Variants in CCNA2 observed in about 807,000 individuals in gnomAD.
The protein encoded by CCNA2 is cyclin-A2.
Under a neutral mutation model 49.4 loss-of-function variants are expected in CCNA2, and 3 were observed. That is an observed-to-expected ratio of 0.06 (90% CI 0.03 to 0.16). CCNA2 has a LOEUF of 0.16. CCNA2 is among the 10% of genes least tolerant of loss of function. The pLI, the probability that CCNA2 is intolerant of heterozygous loss-of-function variation, is 1.00. For missense variants in CCNA2, 372 were observed against 519.7 expected, an observed-to-expected ratio of 0.72 and a Z score of 2.76; for synonymous variants, 206 against 197.2, an observed-to-expected ratio of 1.04 and a Z score of -0.37.
chr4:121,816,547 A>C lies in CCNA2; in HGVS notation c.*1091T>G. 1.1e-6 allele frequency: 1 copy of C among 870,114 alleles called. No homozygotes were observed. Among genetic ancestry groups the C allele is most frequent in the Non-Finnish European group, 1.7e-6 (1 of 573,046 alleles). The allele number at this position is 870,114 out of a possible 1,614,324, so 53.9% of individuals were successfully genotyped here. On this transcript the variant is annotated 3_prime_UTR_variant, in exon 8 of 8. Transcript: ENST00000274026. ...CTCATCTTGCCACATGACTATAAAC[A>C]AAAAGACATCCCTTTTTCATTAGAG...
In CCNA2 at chr4:121,817,938, A is replaced by G. The variant is rs3217774; in HGVS notation, c.1250+106T>C. The G allele has an allele frequency of 2.7e-4, 318 of 1,184,892 alleles. No homozygotes were observed. The African/African-American group carries it at 4.4e-3, about 16-fold the overall frequency. 73.4% of individuals were successfully genotyped at this position (1,184,892 alleles called of 1,614,324 possible). A position where few individuals can be genotyped will look rare whatever the true frequency, so the allele number is the denominator to read the frequency against. ...CAAACACATAACCAATTTAGAGAAC[A>G]GCTTCTCAAGGAGGCTATGGCAGAT... On this transcript the variant is annotated intron_variant, in intron 7 of 7. Transcript: ENST00000274026.
intron 4 of CCNA2, 61 bp from the exon 5 acceptor site, chr4:121,819,640 G>A (rs1175679156): frequency 8.9e-7 from 1 of 1,129,166 alleles, no homozygotes; most frequent in Non-Finnish European, 1.3e-6. Flanking sequence ...CCTTATCCCA[G>A]TTCTGAAATC....
rs1387814332 is a variant in CCNA2, at chr4:121,816,833, A to AAAAAG, written c.*800_*804dup. The stretch of plus-strand genomic sequence containing the variant: ...AAGTAAAAAGCCAGTGAAAAGAAGA[A>AAAAAG]AAAAGAAGAGAGCTGCCAATTAAAG... On this transcript the variant is annotated 3_prime_UTR_variant, in exon 8 of 8. Coordinates refer to ENST00000274026, the MANE Select transcript of CCNA2 (RefSeq NM_001237.5). 3 of 1,597,350 alleles carry AAAAAG rather than the reference A, an allele frequency of 1.9e-6. No homozygotes were observed. Among genetic ancestry groups the AAAAAG allele is most frequent in the Admixed American group, 1.7e-5 (1 of 58,358 alleles).
rs545851481 is a variant in CCNA2, at chr4:121,818,675, T to C, written c.1116+125A>G. On this transcript the variant is annotated intron_variant, in intron 6 of 7. Transcript: ENST00000274026. Reference sequence around the variant, plus strand: ...ACCTGTGTTTTTCAAAGGTCAACTATATATATTTGAAGTTTTTCCAAGTAA... The same window carrying C: ...ACCTGTGTTTTTCAAAGGTCAACTACATATATTTGAAGTTTTTCCAAGTAA... The C allele has an allele frequency of 1.5e-5, 10 of 651,690 alleles. No individual in the cohort carries two copies. The East Asian group carries it at 1.6e-4, about 11-fold the overall frequency. The allele number at this position is 651,690 out of a possible 1,614,324, so 40.4% of individuals were successfully genotyped here. A position where few individuals can be genotyped will look rare whatever the true frequency, so the allele number is the denominator to read the frequency against.
Position 121,823,417 on chromosome 4 carries a change from C to T in CCNA2, c.212G>A (p.Arg71Gln). The change falls in exon 1 of 8, where the codon CGG becomes CAG. Residue 71 changes from arginine (R) to glutamine (Q), a missense_variant and splice_region_variant. Coordinates refer to ENST00000274026, the MANE Select transcript of CCNA2 (RefSeq NM_001237.5). Reference protein sequence around the residue: ...LAQQQRPKTRRVAPLKDLPVN... With the variant: ...LAQQQRPKTRQVAPLKDLPVN... ...TGCAGATATCCCGCATCCCTTTACC[C>T]GTCTCGTCTTCGGCCTCTGCTGCTG... 1.2e-6 allele frequency: 2 copies of T among 1,610,418 alleles called. No homozygotes were observed. The highest frequency in any genetic ancestry group is 2.2e-5 in the East Asian group (1 of 44,800).
rs1724560003 is a variant in CCNA2, at chr4:121,817,217, C to G, written c.*421G>C. The stretch of plus-strand genomic sequence containing the variant: ...TTATGCCCAAGTCAGCAAATTGATC[C>G]AGTTGCTTAGGAAAATGAATGTCAG... On this transcript the variant is annotated 3_prime_UTR_variant, in exon 8 of 8. Coordinates refer to ENST00000274026, the MANE Select transcript of CCNA2 (RefSeq NM_001237.5). 2 of 225,894 alleles carry G rather than the reference C, an allele frequency of 8.9e-6. No individual in the cohort carries two copies. The highest frequency in any genetic ancestry group is 1.8e-4 in the South Asian group (2 of 11,104). 14.0% of individuals were successfully genotyped at this position (225,894 alleles called of 1,614,324 possible). A position where few individuals can be genotyped will look rare whatever the true frequency, so the allele number is the denominator to read the frequency against.
chr4:121,823,801 C>T lies in CCNA2; in HGVS notation c.-173G>A. ...TCACCCAGCTCGAGACCACGCAGGG[C>T]CGAGGAGGTTGCGAAAGGCGCAGGC... On this transcript the variant is annotated 5_prime_UTR_variant, in exon 1 of 8. Transcript: ENST00000274026. 3 of 1,276,966 alleles carry T rather than the reference C, an allele frequency of 2.3e-6. No homozygotes were observed. Among genetic ancestry groups the T allele is most frequent in the Non-Finnish European group, 3.1e-6 (3 of 964,474 alleles). The allele number at this position is 1,276,966 out of a possible 1,614,324, so 79.1% of individuals were successfully genotyped here.
At position 121,817,150 on chromosome 4, in the gene CCNA2, T is replaced by TATC. The variant is rs1410359418; in HGVS notation, c.*485_*487dup. ...GAAAAAGTCTGGGGAATCTCTACTG[T>TATC]ATCTATCTCTGAATACTGTATTCAG... is the stretch of plus-strand genomic sequence containing the variant. On this transcript the variant is annotated 3_prime_UTR_variant, in exon 8 of 8. Transcript: ENST00000274026. 2 of 307,602 alleles carry TATC rather than the reference T, an allele frequency of 6.5e-6. No homozygotes were observed. Among genetic ancestry groups the TATC allele is most frequent in the South Asian group, 4.9e-5 (1 of 20,294 alleles). 19.1% of individuals were successfully genotyped at this position (307,602 alleles called of 1,614,324 possible). A position where few individuals can be genotyped will look rare whatever the true frequency, so the allele number is the denominator to read the frequency against.
chr4:121,819,630 C>G (rs1416808484), intron 4 of CCNA2, 51 bp from the exon 5 acceptor site: 1 of 1,256,312 alleles, frequency 8.0e-7, no homozygotes, highest in Non-Finnish European at 1.2e-6. Flanking sequence ...AAGCAAGCTT[C>G]CTTATCCCAG....
At position 121,816,472 on chromosome 4, in the gene CCNA2, A is replaced by G; in HGVS notation, c.*1166T>C. The G allele has an allele frequency of 2.1e-6, 3 of 1,401,882 alleles. No homozygotes were observed. The highest frequency in any genetic ancestry group is 3.0e-6 in the Non-Finnish European group (3 of 1,012,818). 86.8% of individuals were successfully genotyped at this position (1,401,882 alleles called of 1,614,324 possible). ...GGTAACAAATTTCTGGTTTATTTCAAATGTATACATATACTCAACACTTAT... is the reference window on the plus strand; with the variant it reads ...GGTAACAAATTTCTGGTTTATTTCAGATGTATACATATACTCAACACTTAT... On this transcript the variant is annotated 3_prime_UTR_variant, in exon 8 of 8. Transcript: ENST00000274026.
In CCNA2 at chr4:121,817,699, A is replaced by G. The variant is rs181520027; in HGVS notation, c.1251-13T>C. 5.1e-4 allele frequency: 807 copies of G among 1,596,922 alleles called. No individual in the cohort carries two copies. Among genetic ancestry groups the G allele is most frequent in the African/African-American group, 7.2e-4 (51 of 70,764 alleles). On this transcript the variant is annotated splice_polypyrimidine_tract_variant and intron_variant, in intron 7 of 7. Transcript: ENST00000274026. The stretch of plus-strand genomic sequence containing the variant: ...AACACCATGATACCTGTAAGTAGGG[A>G]AAAAAAAAGCATTTTTAGTAAACAC...
intron 7 of CCNA2, 83 bp from the exon 8 acceptor site, chr4:121,817,769 T>C (rs1724581434): frequency 7.0e-6 from 11 of 1,568,452 alleles, no homozygotes; most frequent in Admixed American, 1.8e-5. Flanking sequence ...TACTCATGTA[T>C]TGGGAACTAA....
chr4:121,821,221 A>G, intron 2 of CCNA2, 130 bp from the exon 3 acceptor site: 2 of 1,104,732 alleles, frequency 1.8e-6, no homozygotes, highest in Non-Finnish European at 1.2e-6. Context: ...AGAGCTTCTC[A>G]TGACAAAATA....
intron 2 of CCNA2, among the ~76,000 whole-genome samples, chr4:121,821,639 CAA>C (rs796947605): frequency 4.6e-5 from 7 of 152,262 alleles, no homozygotes; most frequent in Non-Finnish European, 8.8e-5. Flanking sequence ...TATTTTGAAG[CAA>C]AGAGTATCAT....
In CCNA2 at chr4:121,819,467, T is replaced by C. The variant is rs1349888732; in HGVS notation, c.907A>G (p.Thr303Ala). ...ACTGTTGGAGCAGCTAAGTCAAAAG[T>C]AAGGACTTTCAAAACTAGATGCTCC... ...RMEHLVLKVL[T>A]FDLAAPTVNQ... is the part of the protein sequence containing the mutation. The change falls in exon 5 of 8, where the codon ACT (threonine) becomes GCT (alanine). Residue 303 changes from threonine to alanine, a missense_variant. This residue lies in a region of CCNA2 where 155 missense variants were observed against 288.1 expected (regional missense o/e 0.54). Transcript: ENST00000274026. 2 of 1,613,786 alleles carry C rather than the reference T, an allele frequency of 1.2e-6. No homozygotes were observed. The highest frequency in any genetic ancestry group is 1.3e-5 in the African/African-American group (1 of 74,942).
rs1189556188 is a variant in CCNA2 at position 121,817,325 on chromosome 4, C to CTT, written c.*311_*312dup. On this transcript the variant is annotated 3_prime_UTR_variant, in exon 8 of 8. Transcript: ENST00000274026. ...CCCATTATATAGTAAACCAAGTAAA[C>CTT]TTCTTTACTAAGCAAAATCCTGAAG... is the stretch of plus-strand genomic sequence containing the variant. 1.1e-5 allele frequency: 3 copies of CTT among 270,940 alleles called. No homozygotes were observed. In the Admixed American group the frequency reaches 1.5e-4, roughly 13 times the overall value. 16.8% of individuals were successfully genotyped at this position (270,940 alleles called of 1,614,324 possible). A position where few individuals can be genotyped will look rare whatever the true frequency, so the allele number is the denominator to read the frequency against.
In CCNA2 at chr4:121,819,594, G is replaced by C. The variant is rs1724637535; in HGVS notation, c.795-15C>G. The C allele has an allele frequency of 6.3e-7, 1 of 1,576,372 alleles. No individual in the cohort carries two copies. The highest frequency in any genetic ancestry group is 8.7e-7 in the Non-Finnish European group (1 of 1,146,910). The stretch of plus-strand genomic sequence containing the variant: ...CTTCAAACTTTCTACAATGAAAAAA[G>C]TTTTAAGTAATCAGTCCTAAAAGAG... On this transcript the variant is annotated splice_polypyrimidine_tract_variant and intron_variant, in intron 4 of 7. Coordinates refer to ENST00000274026, the MANE Select transcript of CCNA2 (RefSeq NM_001237.5).
In CCNA2 at chr4:121,823,638, CG is replaced by C. The variant is rs1254274078; in HGVS notation, c.-11del. On this transcript the variant is annotated 5_prime_UTR_variant, in exon 1 of 8. Transcript: ENST00000274026. The stretch of plus-strand genomic sequence containing the variant: ...CAGAGTTGCCCAACATCACTGCTCC[CG>C]GGAGTGGACGGCGGGATCAGCCTGC... 1 of 1,564,538 alleles carries C rather than the reference CG, an allele frequency of 6.4e-7. No homozygotes were observed. Among genetic ancestry groups the C allele is most frequent in the East Asian group, 2.3e-5 (1 of 43,378 alleles).
At position 121,817,722 on chromosome 4, in the gene CCNA2, C is replaced by T. The variant is rs771476010; in HGVS notation, c.1251-36G>A. 1.2e-5 allele frequency: 19 copies of T among 1,611,480 alleles called. No individual in the cohort carries two copies. The Admixed American group carries it at 1.8e-4, about 16-fold the overall frequency. ...GGAAAAAAAAAGCATTTTTAGTAAA[C>T]ACTCACTGGGTAAAGGAGATCATGG... On this transcript the variant is annotated intron_variant, in intron 7 of 7. Transcript: ENST00000274026.
Sources: allele counts gnomAD v4.1 joint callset (sites outside exome capture counted in the v4.1 genomes callset), GRCh38; gene constraint gnomAD v4.1.1; regional missense constraint gnomAD v4.1.1; transcripts MANE v1.5; gene names NCBI Gene and HGNC (gene_info 2026-07-23, HGNC 2026-07-21).